Variants in SDSL observed in about 807,000 individuals in gnomAD.
SDSL encodes the protein serine dehydratase-like.
A neutral mutation model predicts 27.6 loss-of-function variants in SDSL; 26 were observed. That is an observed-to-expected ratio of 0.94 (90% CI 0.69 to 1.31). SDSL has a LOEUF of 1.31. Ranked by LOEUF, SDSL falls within the 50% of genes most tolerant of loss-of-function variation. The pLI, the probability that SDSL is intolerant of heterozygous loss-of-function variation, is 0.00. For missense variants in SDSL, 431 were observed against 423.5 expected (o/e 1.02, Z -0.16); for synonymous variants, 196 against 180.6 (o/e 1.09, Z -0.69).
intron 4 of SDSL, 69 bp downstream of exon 4, chr12:113,429,368 A>G (rs1957891835): frequency 2.0e-6 from 3 of 1,500,542 alleles, no homozygotes; most frequent in Non-Finnish European, 2.7e-6. Flanking sequence ...CACCCCTAAG[A>G]CATCCTGTCT....
At chr12:113,424,082 A>ACCGCAAC (rs2136947051) in intron 1 of SDSL, among the ~76,000 whole-genome samples, 1 of 152,162 alleles carries the variant, frequency 6.6e-6, no homozygotes, top group African/African-American at 2.4e-5. Context: ...ATCTCGGCTC[A>ACCGCAAC]CTGCAACCTC....
At chr12:113,432,238 TTCTTTCTTTCTTTC>T (rs1228319825) in intron 4 of SDSL, among the ~76,000 whole-genome samples, 5 of 124,050 alleles carry the variant, frequency 4.0e-5, no homozygotes, top group South Asian at 2.9e-4. Context: ...CTTTCTTTCT[TTCTTTCTTTCTTTC>T]TTTCTTTCTT....
intron 6 of SDSL, 76 bp from the exon 7 acceptor site, chr12:113,436,675 G>A (rs1957998668): frequency 7.0e-7 from 1 of 1,418,866 alleles, no homozygotes; most frequent in Admixed American, 2.7e-5. Flanking sequence ...GGGTGGCTGG[G>A]GCTGGGGAGA....
In SDSL at chr12:113,422,486, T is replaced by TCTGGGGCCAG. The variant is rs1353539144; in HGVS notation, c.-22+18_-22+27dup. 2.0e-5 allele frequency: 3 copies of TCTGGGGCCAG among 152,864 alleles called. No homozygotes were observed. Among genetic ancestry groups the TCTGGGGCCAG allele is most frequent in the Non-Finnish European group, 4.4e-5 (3 of 68,596 alleles). 9.5% of individuals were successfully genotyped at this position (152,864 alleles called of 1,614,324 possible). On this transcript the variant is annotated intron_variant, in intron 1 of 7. Transcript: ENST00000403593. ...GATAGTTGGGCAGGGAGGTAAGGGGTCTGGGGCCAGCTGGGGCCCCTGGGG... is the reference window on the plus strand; with the variant it reads ...GATAGTTGGGCAGGGAGGTAAGGGGTCTGGGGCCAGCTGGGGCCAGCTGGGGCCCCTGGGG...
chr12:113,431,911 AT>A (rs34838365), intron 4 of SDSL, among the ~76,000 whole-genome samples: 12,302 of 131,564 alleles, frequency 0.094, 469 homozygotes, highest in Middle Eastern at 0.14. Flanking sequence ...ACGCCTGGCT[AT>A]TTTTTTTTTT....
At chr12:113,433,992 C>A in intron 4 of SDSL, 142 bp from the exon 5 acceptor site, 1 of 590,816 alleles carries the variant, frequency 1.7e-6, no homozygotes. Flanking sequence ...GGCCTCTGGG[C>A]CCACACCAGG....
chr12:113,436,540 T>C (rs919883172), intron 6 of SDSL, among the ~76,000 whole-genome samples: 1 of 152,154 alleles, frequency 6.6e-6, no homozygotes, highest in Non-Finnish European at 1.5e-5. Context: ...CTGCCCACCT[T>C]GGCCTCCCAA....
Position 113,429,173 on chromosome 12 carries a change from C to T in SDSL, c.228C>T (p.Gly76=). The T allele has an allele frequency of 1.9e-6, 3 of 1,613,302 alleles. No homozygotes were observed. Among genetic ancestry groups the T allele is most frequent in the Non-Finnish European group, 2.5e-6 (3 of 1,179,568 alleles). The part of the protein sequence containing the change: ...HLVCSSGGNA[G]IAAAYAARKL... ...CTTTCTGCACAGGGGGTAATGCGGGCATCGCTGCTGCCTATGCTGCTAGGA... is the reference window on the plus strand; with the variant it reads ...CTTTCTGCACAGGGGGTAATGCGGGTATCGCTGCTGCCTATGCTGCTAGGA... Residue 76 remains glycine, a synonymous_variant, in exon 4 of 8, where the codon GGC becomes GGT. Coordinates refer to ENST00000403593, the MANE Select transcript of SDSL (RefSeq NM_001304993.2).
chr12:113,437,517 T>C (rs748517991), intron 7 of SDSL, among the ~76,000 whole-genome samples: 2 of 152,102 alleles, frequency 1.3e-5, no homozygotes, highest in African/African-American at 2.4e-5. Context: ...GACACATTGA[T>C]TAATGAACAT....
chr12:113,435,215 T>G, intron 5 of SDSL, 114 bp from the exon 6 acceptor site: 1 of 628,092 alleles, frequency 1.6e-6, no homozygotes, highest in East Asian at 2.9e-5. Flanking sequence ...TGGGGAGGGG[T>G]TTATGTATAT....
chr12:113,424,129 TCTC>T (rs1273656396), intron 1 of SDSL, among the ~76,000 whole-genome samples: 1 of 152,114 alleles, frequency 6.6e-6, no homozygotes, highest in Non-Finnish European at 1.5e-5. Context: ...TTCAAGCAAT[TCTC>T]CTGCCTCAGC....
intron 4 of SDSL, among the ~76,000 whole-genome samples, chr12:113,431,190 C>T (rs1240070396): frequency 6.6e-6 from 1 of 152,184 alleles, no homozygotes; most frequent in African/African-American, 2.4e-5. Flanking sequence ...AGCCCAGCGT[C>T]AGGGAGGGAT....
chr12:113,430,294 C>T (rs1205120430), intron 4 of SDSL, among the ~76,000 whole-genome samples: 2 of 152,144 alleles, frequency 1.3e-5, no homozygotes, highest in Non-Finnish European at 2.9e-5. Flanking sequence ...ATGATGGTAA[C>T]AAAGTGTGAA....
chr12:113,428,544 T>G (rs1418393988), intron 3 of SDSL, 85 bp downstream of exon 3: 3 of 1,250,848 alleles, frequency 2.4e-6, no homozygotes, highest in Non-Finnish European at 3.4e-6. Flanking sequence ...AGGGTTGGTC[T>G]CCTCTTAAAG....
rs780942889 is a variant in SDSL at position 113,431,577 on chromosome 12, GT to G, written c.354+2292del. Among the ~76,000 whole-genome samples, 1,005 of 141,822 alleles carry G rather than the reference GT, an allele frequency of 7.1e-3. 10 individuals are homozygous for G. The highest frequency in any genetic ancestry group is 0.022 in the African/African-American group (846 of 38,878). The allele number at this position is 141,822 out of a possible 152,430, so 93.0% of individuals were successfully genotyped here. ...GTGAACATAGTACCAACAGGTAGTT[GT>G]TTTTTTTTTTTTTGAGACAGAGTCT... On this transcript the variant is annotated intron_variant, in intron 4 of 7. Transcript: ENST00000403593.
chr12:113,435,321 C>A lies in SDSL; in HGVS notation c.444-8C>A, dbSNP rs1957974853. The A allele has an allele frequency of 9.4e-6, 14 of 1,493,352 alleles. No individual in the cohort carries two copies. The highest frequency in any genetic ancestry group is 1.3e-5 in the Non-Finnish European group (14 of 1,117,546). 92.5% of individuals were successfully genotyped at this position (1,493,352 alleles called of 1,614,324 possible). A position where few individuals can be genotyped will look rare whatever the true frequency, so the allele number is the denominator to read the frequency against. On this transcript the variant is annotated splice_region_variant and splice_polypyrimidine_tract_variant and intron_variant, in intron 5 of 7. Transcript: ENST00000403593. ...ACTCTGCTTCTCCCTCTCACCCCCC[C>A]TCCCCAGGAAAGGCCACGCCAGCCT...
rs1360147758 is a variant in SDSL, at chr12:113,429,224, G to C, written c.279G>C (p.Val93=). 5.6e-6 allele frequency: 9 copies of C among 1,613,776 alleles called. No individual in the cohort carries two copies. The highest frequency in any genetic ancestry group is 7.6e-6 in the Non-Finnish European group (9 of 1,179,880). ...AGCTGGGCATTCCTGCCACCATCGT[G>C]CTCCCCGAGAGCACCTCCCTGCAGG... ...ARKLGIPATI[V]LPESTSLQVV... The change falls in exon 4 of 8, where the codon GTG becomes GTC. Residue 93 remains valine (V), a synonymous_variant. Coordinates refer to ENST00000403593, the MANE Select transcript of SDSL (RefSeq NM_001304993.2).
chr12:113,436,869 C>T lies in SDSL; in HGVS notation c.790C>T (p.Leu264Phe), dbSNP rs1187047227. The change falls in exon 7 of 8, where the codon CTC becomes TTC. Residue 264 changes from leucine to phenylalanine, a missense_variant. Transcript: ENST00000403593. Reference sequence around the variant, plus strand: ...CGAGGCTGTGAGCGCTGTGCAGCAGCTCCTGGGTGAGTGATCCCTGTCCTC... The same window carrying T: ...CGAGGCTGTGAGCGCTGTGCAGCAGTTCCTGGGTGAGTGATCCCTGTCCTC... ...DTEAVSAVQQLLDDERMLVEP... is the reference protein window; with the variant it reads ...DTEAVSAVQQFLDDERMLVEP... 6.3e-7 allele frequency: 1 copy of T among 1,599,870 alleles called. No individual in the cohort carries two copies. The highest frequency in any genetic ancestry group is 1.7e-5 in the Admixed American group (1 of 58,298).
intron 5 of SDSL, 38 bp downstream of exon 5, chr12:113,434,260 G>GTT: frequency 6.7e-7 from 1 of 1,491,370 alleles, no homozygotes; most frequent in Non-Finnish European, 9.2e-7. Flanking sequence ...GTCCAGAGCT[G>GTT]GGAGACCTTC....
Sources: allele counts gnomAD v4.1 joint callset (sites outside exome capture counted in the v4.1 genomes callset), GRCh38; gene constraint gnomAD v4.1.1; transcripts MANE v1.5; gene names NCBI Gene and HGNC (gene_info 2026-07-23, HGNC 2026-07-21).